The following SPRR2G variants were observed in gnomAD, a reference collection of about 807,000 sequenced individuals.
SPRR2G encodes small proline rich protein 2G, also known as small proline-rich protein 2G.
Under a neutral mutation model 0.7 loss-of-function variants are expected in SPRR2G, and 1 was observed. The observed-to-expected ratio is 1.49, with a 90% CI of 0.53 to 7.06. The LOEUF is 7.06. SPRR2G is among the 30% of genes most tolerant of loss of function. The pLI, the probability that SPRR2G is intolerant of heterozygous loss-of-function variation, is 0.14. For missense variants in SPRR2G, 96 were observed against 88.5 expected (o/e 1.09, Z -0.34); for synonymous variants, 38 against 33.9 (o/e 1.12, Z -0.42).
chr1:153,151,935 C>T (rs773246013), upstream of SPRR2G, among the ~76,000 whole-genome samples: 2 of 152,186 alleles, frequency 1.3e-5, no homozygotes, highest in Non-Finnish European at 2.9e-5. Flanking sequence ...TACTCACTGT[C>T]CCAACTTGGA....
chr1:153,164,285 T>C, the SPRR2G span, among the ~76,000 whole-genome samples: 2 of 152,172 alleles, frequency 1.3e-5, no homozygotes, highest in Non-Finnish European at 2.9e-5. Flanking sequence ...GGCTCAGCAA[T>C]GAATGGCAGG....
At chr1:153,155,611 C>T (rs1401099422), upstream of SPRR2G, among the ~76,000 whole-genome samples, 1 of 152,140 alleles carries the variant, frequency 6.6e-6, no homozygotes, top group Admixed American at 6.5e-5. Context: ...CTGACTACAT[C>T]ACTTGCATGC....
At chr1:153,150,244 G>A in intron 1 of SPRR2G, 113 bp from the exon 2 acceptor site, 1 of 1,447,184 alleles carries the variant, frequency 6.9e-7, no homozygotes, top group Non-Finnish European at 9.2e-7. Flanking sequence ...CCCTAATACA[G>A]TCTTTATGAC....
the SPRR2G span, chr1:153,174,431 T>C: frequency 6.6e-6 from 1 of 152,044 alleles, no homozygotes; most frequent in Non-Finnish European, 1.5e-5. Context: ...ACTAGCCTGG[T>C]GAGGAAGTTC....
At chr1:153,198,930 C>T in the SPRR2G span, among the ~76,000 whole-genome samples, 1 of 151,800 alleles carries the variant, frequency 6.6e-6, no homozygotes, top group African/African-American at 2.4e-5. Context: ...AGAAAGGGCT[C>T]GGGAAGGAGA....
chr1:153,160,739 G>A, the SPRR2G span, among the ~76,000 whole-genome samples: 6 of 151,614 alleles, frequency 4.0e-5, no homozygotes, highest in African/African-American at 1.5e-4. Flanking sequence ...TCCCATTACT[G>A]GGTATATACC....
chr1:153,156,326 A>G, the SPRR2G span, among the ~76,000 whole-genome samples: 1 of 152,222 alleles, frequency 6.6e-6, no homozygotes, highest in Non-Finnish European at 1.5e-5. Flanking sequence ...ATTACAGATA[A>G]TAGAGCCTTG....
At chr1:153,199,950 A>G in the SPRR2G span, among the ~76,000 whole-genome samples, 1 of 152,070 alleles carries the variant, frequency 6.6e-6, no homozygotes, top group Non-Finnish European at 1.5e-5. Context: ...GAGAGATAGA[A>G]AAAGGCATGG....
At chr1:153,189,132 T>A in the SPRR2G span, among the ~76,000 whole-genome samples, 1 of 152,260 alleles carries the variant, frequency 6.6e-6, no homozygotes, top group Non-Finnish European at 1.5e-5. Flanking sequence ...AAATTTTTTA[T>A]CTATGTTCTT....
the SPRR2G span, among the ~76,000 whole-genome samples, chr1:153,200,233 C>T: frequency 0.076 from 11,482 of 152,016 alleles, 1,302 homozygotes; most frequent in African/African-American, 0.25. Flanking sequence ...TTACTGTGAA[C>T]GCCACCAGGA....
the SPRR2G span, among the ~76,000 whole-genome samples, chr1:153,199,125 A>G: frequency 6.6e-5 from 10 of 152,240 alleles, no homozygotes; most frequent in Admixed American, 3.3e-4. Flanking sequence ...GCAAAAATAC[A>G]CAAATATCAA....
upstream of SPRR2G, among the ~76,000 whole-genome samples, chr1:153,152,175 A>G (rs1656484633): frequency 6.6e-5 from 10 of 152,246 alleles, no homozygotes; most frequent in Admixed American, 5.9e-4. Flanking sequence ...AGAAATAAGA[A>G]TAATAACTAA....
chr1:153,160,232 C>T, the SPRR2G span, among the ~76,000 whole-genome samples: 1 of 152,114 alleles, frequency 6.6e-6, no homozygotes, highest in African/African-American at 2.4e-5. Flanking sequence ...TTGCAAATGA[C>T]AGGGTTTCCT....
At chr1:153,177,243 T>C in the SPRR2G span, among the ~76,000 whole-genome samples, 1 of 152,222 alleles carries the variant, frequency 6.6e-6, no homozygotes. Context: ...CCATAATTTA[T>C]TGATTTACCT....
At chr1:153,196,437 C>T in the SPRR2G span, among the ~76,000 whole-genome samples, 7 of 152,066 alleles carry the variant, frequency 4.6e-5, no homozygotes, top group Admixed American at 1.3e-4. Flanking sequence ...GTGTATATAC[C>T]ACATTTTCTT....
the SPRR2G span, among the ~76,000 whole-genome samples, chr1:153,188,794 C>T: frequency 6.6e-6 from 1 of 152,188 alleles, no homozygotes; most frequent in Non-Finnish European, 1.5e-5. Flanking sequence ...AACCCAGGAC[C>T]CTCATGGTGT....
chr1:153,152,389 T>G (rs1656490268), upstream of SPRR2G, among the ~76,000 whole-genome samples: 1 of 151,930 alleles, frequency 6.6e-6, no homozygotes. Context: ...TCAGGGAAGA[T>G]TTTTGCCTTG....
At chr1:153,162,244 T>A in the SPRR2G span, among the ~76,000 whole-genome samples, 1 of 152,164 alleles carries the variant, frequency 6.6e-6, no homozygotes, top group African/African-American at 2.4e-5. Context: ...CACTTATAAG[T>A]GAGAACACGT....
At chr1:153,194,507 C>T in the SPRR2G span, among the ~76,000 whole-genome samples, 5,597 of 152,248 alleles carry the variant, frequency 0.037, 147 homozygotes, top group East Asian at 0.075. Context: ...TCCACCCACA[C>T]GTGCTGCTCC....
Sources: allele counts gnomAD v4.1 joint callset (sites outside exome capture counted in the v4.1 genomes callset), GRCh38; gene constraint gnomAD v4.1.1; transcripts MANE v1.5; gene names NCBI Gene and HGNC (gene_info 2026-07-23, HGNC 2026-07-21).